The following POMT1 variants were observed in gnomAD, a reference collection of about 807,000 sequenced individuals.
POMT1 encodes the protein protein O-mannosyltransferase 1, also known as protein O-mannosyl-transferase 1.
POMT1 carries 85 observed loss-of-function variants against 101.6 expected under a neutral mutation model. That is an observed-to-expected ratio of 0.84 (90% CI 0.70 to 1.00). POMT1 has a LOEUF of 1.00. Ranked by LOEUF, POMT1 falls within the 50% of genes least tolerant of loss-of-function variation. The pLI is 0.00. For missense variants in POMT1, 857 were observed against 930.4 expected (o/e 0.92, Z 1.03); for synonymous variants, 371 against 383.0 (o/e 0.97, Z 0.37).
rs1440718805 is a variant in POMT1, at chr9:131,523,572, T to A, written c.*466T>A. ...CGGCAGGCGTCCTGGGACAGCTCAG[T>A]GTTGGAGGGCCACCTGAACCACGAG... On this transcript the variant is annotated 3_prime_UTR_variant, in exon 20 of 20. Coordinates refer to ENST00000402686, the MANE Select transcript of POMT1 (RefSeq NM_001077365.2). The A allele has an allele frequency of 4.7e-5, 11 of 234,882 alleles. 1 individual carries two copies. 14.5% of individuals were successfully genotyped at this position (234,882 alleles called of 1,614,324 possible).
At chr9:131,510,173 CACTA>C in intron 8 of POMT1, 83 bp from the exon 9 acceptor site, 1 of 1,609,162 alleles carries the variant, frequency 6.2e-7, no homozygotes. Context: ...GAGTTTCTGT[CACTA>C]ACTTTTTCTA....
At chr9:131,508,868 C>T (rs747614945) in intron 5 of POMT1, 43 bp from the exon 6 acceptor site, 1 of 1,404,608 alleles carries the variant, frequency 7.1e-7, no homozygotes, top group African/African-American at 1.4e-5. Flanking sequence ...ATACGTTTTC[C>T]CTTGCTACCT....
chr9:131,521,307 G>GT (rs1949865908), intron 17 of POMT1, 39 bp from the exon 18 acceptor site: 1 of 1,613,812 alleles, frequency 6.2e-7, no homozygotes, highest in Non-Finnish European at 8.5e-7. Flanking sequence ...TCCCTGAGCA[G>GT]AGGGCAGGTG....
chr9:131,513,143 C>A, intron 11 of POMT1, 96 bp from the exon 12 acceptor site: 2 of 1,060,786 alleles, frequency 1.9e-6, no homozygotes, highest in Non-Finnish European at 2.9e-6. Flanking sequence ...GGGAGGCAGT[C>A]TCAGCCATGA....
chr9:131,504,418 A>T, intron 2 of POMT1, 78 bp downstream of exon 2: 1 of 1,606,446 alleles, frequency 6.2e-7, no homozygotes, highest in South Asian at 1.1e-5. Context: ...TGAATAGCAT[A>T]AATGGGAGAG....
chr9:131,518,968 G>T lies in POMT1; in HGVS notation c.1486+11G>T, dbSNP rs755682718. Reference sequence around the variant, plus strand: ...ACCGATACGGCGCGAGTGAGTCCGCGGCGTGGCTTCCGCCGCTCCTGGAAT... The same window carrying T: ...ACCGATACGGCGCGAGTGAGTCCGCTGCGTGGCTTCCGCCGCTCCTGGAAT... On this transcript the variant is annotated intron_variant, in intron 15 of 19. Transcript: ENST00000402686. 3 of 1,613,288 alleles carry T rather than the reference G, an allele frequency of 1.9e-6. No individual in the cohort carries two copies. In the South Asian group the frequency reaches 3.3e-5, roughly 18 times the overall value.
At chr9:131,510,594 C>T in intron 9 of POMT1, 179 bp downstream of exon 9, 1 of 817,988 alleles carries the variant, frequency 1.2e-6, no homozygotes. Context: ...AACTCCGCCT[C>T]CTGGCTTCAA....
intron 12 of POMT1, among the ~76,000 whole-genome samples, chr9:131,513,949 C>T (rs950423127): frequency 2.6e-5 from 4 of 152,220 alleles, no homozygotes; most frequent in Admixed American, 6.5e-5. Flanking sequence ...GACTTCCACC[C>T]GGCTGCCCGG....
intron 11 of POMT1, among the ~76,000 whole-genome samples, 187 bp downstream of exon 11, chr9:131,512,323 C>A (rs1301508613): frequency 2.0e-5 from 3 of 152,208 alleles, no homozygotes; most frequent in Non-Finnish European, 4.4e-5. Context: ...CCTCAGTGAG[C>A]AGCCTGCTCA....
At chr9:131,516,831 G>C (rs1271626480) in intron 13 of POMT1, 1 of 152,230 alleles carries the variant, frequency 6.6e-6, no homozygotes, top group African/African-American at 2.4e-5. Flanking sequence ...CATGATCCAG[G>C]AGAAATTCCA....
Position 131,504,224 on chromosome 9 carries a change from G to A in POMT1, c.6G>A (p.Trp2Ter). Residue 2 changes from tryptophan to a stop codon, truncating the protein, a stop_gained, in exon 2 of 20, where the codon TGG becomes TGA. Coordinates refer to ENST00000402686, the MANE Select transcript of POMT1 (RefSeq NM_001077365.2). LOFTEE classifies it high-confidence loss of function. M[W>*]GFLKRPVVVT... ...TGAGCCCGCTTTTCTACAAGATGTGGGGATTTTTGAAGCGCCCTGTAGTGG... is the reference window on the plus strand; with the variant it reads ...TGAGCCCGCTTTTCTACAAGATGTGAGGATTTTTGAAGCGCCCTGTAGTGG... 2 of 1,614,110 alleles carry A rather than the reference G, an allele frequency of 1.2e-6. No homozygotes were observed. The highest frequency in any genetic ancestry group is 2.2e-5 in the South Asian group (2 of 91,072).
intron 18 of POMT1, among the ~76,000 whole-genome samples, chr9:131,521,763 T>G (rs1949965005): frequency 6.6e-6 from 1 of 152,236 alleles, no homozygotes; most frequent in South Asian, 2.1e-4. Flanking sequence ...TAGAGGTGTC[T>G]CCAGTCGAGT....
intron 6 of POMT1, 78 bp downstream of exon 6, chr9:131,509,100 C>T: frequency 1.9e-6 from 2 of 1,057,818 alleles, no homozygotes; most frequent in Admixed American, 1.7e-5. Flanking sequence ...TGGTCCAGTA[C>T]CTTTTTTTGT....
intron 14 of POMT1, 101 bp downstream of exon 14, chr9:131,518,638 CATTT>C (rs1949251388): frequency 3.6e-6 from 5 of 1,396,514 alleles, no homozygotes; most frequent in Admixed American, 1.7e-5. Flanking sequence ...CGGAACGCTT[CATTT>C]GAGTCATCAT....
intron 4 of POMT1, 73 bp downstream of exon 4, chr9:131,506,526 T>A: frequency 7.0e-7 from 1 of 1,438,140 alleles, no homozygotes; most frequent in Non-Finnish European, 9.8e-7. Flanking sequence ...TTGTAAGGAT[T>A]AACAACTGTG....
Position 131,518,868 on chromosome 9 carries a change from A to T in POMT1, c.1397A>T (p.Tyr466Phe). The stretch of plus-strand genomic sequence containing the variant: ...GGGGCTCACCTCCCTGACTGGGGGT[A>T]TCGGCAACTGGAGATCGTCGGGGAG... The part of the protein sequence containing the change: ...LSGAHLPDWG[Y>F]RQLEIVGEKL... The change falls in exon 15 of 20, where the codon TAT becomes TTT. Residue 466 changes from tyrosine to phenylalanine, a missense_variant. Coordinates refer to ENST00000402686, the MANE Select transcript of POMT1 (RefSeq NM_001077365.2). 1.2e-6 allele frequency: 2 copies of T among 1,614,006 alleles called. No homozygotes were observed.
chr9:131,514,681 C>T (rs1243109314), intron 12 of POMT1, among the ~76,000 whole-genome samples: 2 of 152,158 alleles, frequency 1.3e-5, no homozygotes, highest in East Asian at 1.9e-4. Context: ...CCTGACCGGG[C>T]GTGCTGGCTC....
chr9:131,505,352 A>T (rs1945561823), intron 2 of POMT1, among the ~76,000 whole-genome samples: 1 of 143,048 alleles, frequency 7.0e-6, no homozygotes, highest in Non-Finnish European at 1.5e-5. Flanking sequence ...GCTGTAGTGC[A>T]ATGGTGCGAT....
At position 131,506,153 on chromosome 9, in the gene POMT1, C is replaced by A; in HGVS notation, c.162C>A (p.Tyr54Ter). Reference protein sequence around the residue: ...EVYYGQYISFYMKQIFFLDDS... With the variant: ...EVYYGQYISF ...ATTATGGGCAGTACATCTCTTTTTA[C>A]ATGAAACAAATCTTCTTCTTGGATG... Residue 54 changes from tyrosine to a stop codon, truncating the protein, a stop_gained, in exon 3 of 20, where the codon TAC becomes TAA. Coordinates refer to ENST00000402686, the MANE Select transcript of POMT1 (RefSeq NM_001077365.2). LOFTEE classifies it high-confidence loss of function. 18 of 1,613,684 alleles carry A rather than the reference C, an allele frequency of 1.1e-5. No individual in the cohort carries two copies. Among genetic ancestry groups the A allele is most frequent in the Non-Finnish European group, 1.5e-5 (18 of 1,179,884 alleles).
Sources: gnomAD v4.1 joint callset for allele counts (sites outside exome capture counted in the v4.1 genomes callset) on GRCh38, gnomAD v4.1.1 for gene constraint, MANE v1.5 for transcripts, NCBI Gene and HGNC (gene_info 2026-07-23, HGNC 2026-07-21) for gene names.